Variants in KRT74 observed in about 807,000 individuals in gnomAD.
KRT74 encodes keratin, type II cytoskeletal 74.
KRT74 carries 43 observed loss-of-function variants against 42.7 expected under a neutral mutation model. That is an observed-to-expected ratio of 1.01 (90% CI 0.79 to 1.30). The LOEUF (loss-of-function observed/expected upper bound fraction) is 1.30. KRT74 is among the 50% of genes most tolerant of loss of function. The pLI is 0.00. For synonymous variants in KRT74, 302 were observed against 279.0 expected (o/e 1.08, Z -0.82); for missense variants, 736 against 689.1 (o/e 1.07, Z -0.76).
At chr12:52,573,040 A>G (rs558787743) in intron 1 of KRT74, among the ~76,000 whole-genome samples, 6 of 152,276 alleles carry the variant, frequency 3.9e-5, no homozygotes, top group African/African-American at 1.4e-4. Context: ...AGCTGTCCTC[A>G]AGAAACTCAT....
chr12:52,568,891 C>T (rs1939425171), intron 6 of KRT74, among the ~76,000 whole-genome samples: 1 of 152,190 alleles, frequency 6.6e-6, no homozygotes, highest in African/African-American at 2.4e-5. Flanking sequence ...CCACATCTGG[C>T]CTTCCCTTAG....
At position 52,573,302 on chromosome 12, in the gene KRT74, C is replaced by G. The variant is rs181864446; in HGVS notation, c.471+5G>C. The G allele has an allele frequency of 6.2e-7, 1 of 1,613,808 alleles. No individual in the cohort carries two copies. Among genetic ancestry groups the G allele is most frequent in the East Asian group, 2.2e-5 (1 of 44,878 alleles). On this transcript the variant is annotated splice_donor_5th_base_variant and intron_variant, in intron 1 of 8. Transcript: ENST00000305620. ...GCGGCCTCATCCTCCTCCTATGAGA[C>G]CCACCTTGTCAATGAAGGAGGCGAA... is the stretch of plus-strand genomic sequence containing the variant.
rs1939466961 is a variant in KRT74, at chr12:52,570,826, G to A, written c.851C>T (p.Ala284Val). The change falls in exon 5 of 9, where the codon GCT becomes GTT. Residue 284 changes from alanine (A) to valine (V), a missense_variant. Coordinates refer to ENST00000305620, the MANE Select transcript of KRT74 (RefSeq NM_175053.4). ...FLKCLYDAEI[A>V]QIQTHASETS... ...CTCACTGGCGTGAGTCTGGATCTGA[G>A]CGATCTCCTGCATTGAGAGAGGAAG... is the stretch of plus-strand genomic sequence containing the variant. 5 of 1,614,246 alleles carry A rather than the reference G, an allele frequency of 3.1e-6. No individual in the cohort carries two copies. Among genetic ancestry groups the A allele is most frequent in the Non-Finnish European group, 4.2e-6 (5 of 1,180,032 alleles).
intron 5 of KRT74, among the ~76,000 whole-genome samples, chr12:52,570,388 A>G (rs1398218543): frequency 6.6e-6 from 1 of 152,094 alleles, no homozygotes; most frequent in East Asian, 1.9e-4. Flanking sequence ...TGTTTGTTTT[A>G]CCACCTCACT....
chr12:52,568,055 C>T, intron 7 of KRT74, 114 bp downstream of exon 7: 5 of 1,261,368 alleles, frequency 4.0e-6, no homozygotes, highest in Non-Finnish European at 5.7e-6. Context: ...TTCACGAAAT[C>T]ACCACATCTC....
chr12:52,567,623 C>T (rs1939402440), intron 8 of KRT74, 36 bp downstream of exon 8: 2 of 1,558,270 alleles, frequency 1.3e-6, no homozygotes, highest in Non-Finnish European at 1.8e-6. Context: ...GGGTCCCTGG[C>T]TTTCCCAACC....
Position 52,566,974 on chromosome 12 carries a change from G to C in KRT74, c.1585C>G (p.Arg529Gly). ...AGGTGGGTGAGGCCATGGGTCTAGC[G>C]GGTGGCTTTCCTTGCTGGGATGCTG... is the stretch of plus-strand genomic sequence containing the variant. ...PASIPARKAT[R>G] The change falls in exon 9 of 9, where the codon CGC becomes GGC. Residue 529 changes from arginine to glycine, a missense_variant. Transcript: ENST00000305620. 1 of 1,609,526 alleles carries C rather than the reference G, an allele frequency of 6.2e-7. No homozygotes were observed. Among genetic ancestry groups the C allele is most frequent in the Middle Eastern group, 1.8e-4 (1 of 5,612 alleles).
rs924309114 is a variant in KRT74 at position 52,566,572 on chromosome 12, G to A, written c.*397C>T. The stretch of plus-strand genomic sequence containing the variant: ...CTCGTGTCACCCCACCATGCTGGCA[G>A]GGGATGTAAAACCTCTCAGACAGTA... On this transcript the variant is annotated 3_prime_UTR_variant, in exon 9 of 9. Coordinates refer to ENST00000305620, the MANE Select transcript of KRT74 (RefSeq NM_175053.4). 8 of 182,746 alleles carry A rather than the reference G, an allele frequency of 4.4e-5. No individual in the cohort carries two copies. 11.3% of individuals were successfully genotyped at this position (182,746 alleles called of 1,614,324 possible).
rs673449 is a variant in KRT74 at position 52,571,977 on chromosome 12, C to T, written c.714G>A (p.Thr238=). Reference sequence around the variant, plus strand: ...GCACCACAAACTCATTCTCTGCTGTCGTGCGCCGGTTAATCTCCACTTCAT... The same window carrying T: ...GCACCACAAACTCATTCTCTGCTGTTGTGCGCCGGTTAATCTCCACTTCAT... ...KRYEVEINRR[T]TAENEFVVLK... The change falls in exon 3 of 9, where the codon ACG becomes ACA. Residue 238 remains threonine (T), a synonymous_variant. Coordinates refer to ENST00000305620, the MANE Select transcript of KRT74 (RefSeq NM_175053.4). 0.78 allele frequency: 1,226,330 copies of T among 1,576,628 alleles called. 482,991 individuals carry two copies. Among genetic ancestry groups the T allele is most frequent in the East Asian group, 1 (44,678 of 44,796 alleles).
At chr12:52,572,412 C>G in intron 2 of KRT74, 41 bp downstream of exon 2, 2 of 1,606,506 alleles carry the variant, frequency 1.2e-6, no homozygotes, top group Non-Finnish European at 8.5e-7. Flanking sequence ...CCCAGAGGCA[C>G]GGGAAACATG....
rs753940234 is a variant in KRT74, at chr12:52,569,908, T to C, written c.1085A>G (p.Asn362Ser). The change falls in exon 6 of 9, where the codon AAC (asparagine) becomes AGC (serine). Residue 362 changes from asparagine (N) to serine (S), a missense_variant. Physicochemically the swap from Asn to Ser is conservative, Grantham distance 46 (BLOSUM62 1). Transcript: ENST00000305620. ...ACACCGGATCCTCTGGATGAGCCGG[T>C]TCAGCTCCACCATCTCGCTCCTGGT... ...KHTRSEMVELNRLIQRIRCEI... is the reference protein window; with the variant it reads ...KHTRSEMVELSRLIQRIRCEI... 5.3e-5 allele frequency: 86 copies of C among 1,614,086 alleles called. No individual in the cohort carries two copies. Among genetic ancestry groups the C allele is most frequent in the Non-Finnish European group, 6.8e-5 (80 of 1,180,048 alleles).
intron 2 of KRT74, 47 bp from the exon 3 acceptor site, chr12:52,572,051 C>G (rs183514504): frequency 5.1e-6 from 7 of 1,365,284 alleles, no homozygotes; most frequent in Non-Finnish European, 6.3e-6. Context: ...AGCCAAGGAA[C>G]TTTCTCTTCC....
Position 52,566,886 on chromosome 12 carries a change from TG to T in KRT74, c.*82del. 1 of 1,200,480 alleles carries T rather than the reference TG, an allele frequency of 8.3e-7. No homozygotes were observed. Among genetic ancestry groups the T allele is most frequent in the Non-Finnish European group, 1.2e-6 (1 of 839,870 alleles). 74.4% of individuals were successfully genotyped at this position (1,200,480 alleles called of 1,614,324 possible). The stretch of plus-strand genomic sequence containing the variant: ...ACAGACAGTTTTAAAACTCAGGGCC[TG>T]GGAACTTGGGTGTGGCAGACACCTT... On this transcript the variant is annotated 3_prime_UTR_variant, in exon 9 of 9. Transcript: ENST00000305620.
chr12:52,572,547 G>A lies in KRT74; in HGVS notation c.592C>T (p.Leu198=). 1 of 1,614,222 alleles carries A rather than the reference G, an allele frequency of 6.2e-7. No individual in the cohort carries two copies. The highest frequency in any genetic ancestry group is 8.5e-7 in the Non-Finnish European group (1 of 1,180,040). Residue 198 remains leucine (L), a synonymous_variant, in exon 2 of 9, where the codon CTG becomes TTG. Transcript: ENST00000305620. ...EPILEGYISN[L]RKQLETLSGD... is the part of the protein sequence containing the mutation. ...GACAGTGTCTCCAGCTGCTTCCGCAGGTTGCTGATGTAGCCCTCAAGGATG... is the reference window on the plus strand; with the variant it reads ...GACAGTGTCTCCAGCTGCTTCCGCAAGTTGCTGATGTAGCCCTCAAGGATG...
rs1217991334 is a variant in KRT74 at position 52,570,753 on chromosome 12, G to A, written c.924C>T (p.Asp308=). Residue 308 remains aspartate, a synonymous_variant, in exon 5 of 9, where the codon GAC becomes GAT. Coordinates refer to ENST00000305620, the MANE Select transcript of KRT74 (RefSeq NM_175053.4). The part of the protein sequence containing the change: ...SMDNNRDLDL[D]SIIAEVRMHY... Reference sequence around the variant, plus strand: ...GCATGCGGACCTCAGCGATGATGCTGTCAAGGTCCAGGTCCCGGTTGTTGT... The same window carrying A: ...GCATGCGGACCTCAGCGATGATGCTATCAAGGTCCAGGTCCCGGTTGTTGT... 1 of 1,614,260 alleles carries A rather than the reference G, an allele frequency of 6.2e-7. No homozygotes were observed. Among genetic ancestry groups the A allele is most frequent in the Non-Finnish European group, 8.5e-7 (1 of 1,180,040 alleles).
At chr12:52,568,468 C>A in intron 6 of KRT74, 79 bp from the exon 7 acceptor site, 2 of 1,463,148 alleles carry the variant, frequency 1.4e-6, no homozygotes, top group Middle Eastern at 1.7e-4. Context: ...ACAATGCCCT[C>A]ATTTTGCAGA....
In KRT74 at chr12:52,571,381, A is replaced by G. The variant is rs147962513; in HGVS notation, c.821T>C (p.Phe274Ser). Reference protein sequence around the residue: ...KVDSLDKEIKFLKCLYDAEIA... With the variant: ...KVDSLDKEIKSLKCLYDAEIA... Reference sequence around the variant, plus strand: ...TACTGCATCATACAGACACTTGAGGAACTTGATTTCTTTGTCCAGTGAGTC... The same window carrying G: ...TACTGCATCATACAGACACTTGAGGGACTTGATTTCTTTGTCCAGTGAGTC... Residue 274 changes from phenylalanine (F) to serine (S), a missense_variant, in exon 4 of 9, where the codon TTC (phenylalanine) becomes TCC (serine). Phe to Ser is a radical substitution (Grantham distance 155). Coordinates refer to ENST00000305620, the MANE Select transcript of KRT74 (RefSeq NM_175053.4). 7,586 of 1,611,700 alleles carry G rather than the reference A, an allele frequency of 4.7e-3. 379 individuals carry two copies. In the South Asian group the frequency reaches 0.078, roughly 17 times the overall value.
rs1939412578 is a variant in KRT74, at chr12:52,568,194, T to C, written c.1330A>G (p.Lys444Glu). ...ALDMEIATYR[K>E]LLEGEECRMS... ...CTGCACTCCTCGCCCTCCAGCAGCTTGCGGTAGGTGGCAATCTCCATGTCC... is the reference window on the plus strand; with the variant it reads ...CTGCACTCCTCGCCCTCCAGCAGCTCGCGGTAGGTGGCAATCTCCATGTCC... The change falls in exon 7 of 9, where the codon AAG becomes GAG. Residue 444 changes from lysine to glutamate, a missense_variant. Coordinates refer to ENST00000305620, the MANE Select transcript of KRT74 (RefSeq NM_175053.4). 6 of 1,614,148 alleles carry C rather than the reference T, an allele frequency of 3.7e-6. No homozygotes were observed. The highest frequency in any genetic ancestry group is 5.1e-6 in the Non-Finnish European group (6 of 1,180,018).
In KRT74 at chr12:52,570,665, C is replaced by A; in HGVS notation, c.1008+4G>T. The A allele has an allele frequency of 1.9e-6, 3 of 1,614,112 alleles. No individual in the cohort carries two copies. The highest frequency in any genetic ancestry group is 2.2e-5 in the East Asian group (1 of 44,894). On this transcript the variant is annotated splice_donor_region_variant and intron_variant, in intron 5 of 8. Transcript: ENST00000305620. The stretch of plus-strand genomic sequence containing the variant: ...CTGTGGGAGGAGACCCATTCGGTGA[C>A]CACCTTGGTCTGGTACAGGGCCTCG...
Sources: gnomAD v4.1 joint callset for allele counts (sites outside exome capture counted in the v4.1 genomes callset) on GRCh38, gnomAD v4.1.1 for gene constraint, MANE v1.5 for transcripts, NCBI Gene and HGNC (gene_info 2026-07-23, HGNC 2026-07-21) for gene names.